AFG2B: variants seen among roughly 807,000 people sequenced by gnomAD.
AFG2B encodes the protein ATPase family gene 2 protein homolog B.
the AFG2B span, among the ~76,000 whole-genome samples, chr15:45,420,100 A>G: frequency 6.6e-6 from 1 of 151,700 alleles, no homozygotes; most frequent in African/African-American, 2.4e-5. Flanking sequence ...ATATGAATGG[A>G]AGCATGTGGC....
the AFG2B span, chr15:45,414,560 TG>T: frequency 1.9e-6 from 3 of 1,612,260 alleles, no homozygotes; most frequent in South Asian, 3.3e-5. Flanking sequence ...TCTCTTTTTG[TG>T]TACTTTCAGA....
chr15:45,404,442 C>T, the AFG2B span, among the ~76,000 whole-genome samples: 4 of 152,072 alleles, frequency 2.6e-5, no homozygotes, highest in South Asian at 2.1e-4. Context: ...CTAAAGTATA[C>T]GTAAAGTGCA....
At chr15:45,417,187 A>C in the AFG2B span, 6 of 1,529,190 alleles carry the variant, frequency 3.9e-6, no homozygotes, top group Middle Eastern at 2.0e-4. Flanking sequence ...ATTTGAATTT[A>C]AATAGACCTT....
chr15:45,402,606 C>T, the AFG2B span: 2 of 1,574,926 alleles, frequency 1.3e-6, no homozygotes, highest in Admixed American at 1.8e-5. Flanking sequence ...CCTGCCTCTG[C>T]ACTGCCTGGC....
At chr15:45,405,609 A>G in the AFG2B span, 1 of 1,063,756 alleles carries the variant, frequency 9.4e-7, no homozygotes, top group Non-Finnish European at 1.4e-6. Flanking sequence ...AGAACATTTG[A>G]TAGCTTCCAC....
chr15:45,413,717 A>G, the AFG2B span, among the ~76,000 whole-genome samples: 1 of 152,018 alleles, frequency 6.6e-6, no homozygotes, highest in Non-Finnish European at 1.5e-5. Flanking sequence ...TAAAGCTTTC[A>G]AGGCCTATTG....
At chr15:45,405,289 T>A in the AFG2B span, 1 of 1,597,470 alleles carries the variant, frequency 6.3e-7, no homozygotes, top group Admixed American at 1.7e-5. Flanking sequence ...ATATACTTCT[T>A]CTTCTTTTTT....
At chr15:45,415,558 G>T in the AFG2B span, 1 of 1,580,656 alleles carries the variant, frequency 6.3e-7, no homozygotes, top group South Asian at 1.1e-5. Context: ...ATAACATATA[G>T]CTTTTTAATA....
At chr15:45,402,360 G>T in the AFG2B span, 1 of 1,543,530 alleles carries the variant, frequency 6.5e-7, no homozygotes, top group South Asian at 1.2e-5. Flanking sequence ...CTGCGAGCTC[G>T]GTGTTCCGCT....
chr15:45,412,601 T>C, the AFG2B span, among the ~76,000 whole-genome samples: 17 of 152,202 alleles, frequency 1.1e-4, no homozygotes, highest in Admixed American at 2.6e-4. Context: ...ATTATATAAT[T>C]TTCACATGTC....
At chr15:45,409,596 C>T in the AFG2B span, among the ~76,000 whole-genome samples, 4 of 152,080 alleles carry the variant, frequency 2.6e-5, no homozygotes, top group South Asian at 4.1e-4. Context: ...CATGGTGGCT[C>T]ATGCCTGTAA....
chr15:45,417,379 A>G, the AFG2B span: 3 of 1,614,042 alleles, frequency 1.9e-6, no homozygotes, highest in Non-Finnish European at 1.7e-6. Context: ...GATCATCTAT[A>G]TCCCACCTCC....
the AFG2B span, among the ~76,000 whole-genome samples, chr15:45,404,701 T>A: frequency 6.6e-6 from 1 of 150,760 alleles, no homozygotes; most frequent in East Asian, 2.0e-4. Context: ...CTAGCTACTC[T>A]GGAGGCTGAG....
At chr15:45,409,587 A>G in the AFG2B span, among the ~76,000 whole-genome samples, 1 of 150,572 alleles carries the variant, frequency 6.6e-6, no homozygotes, top group South Asian at 2.1e-4. Context: ...GAGTTTGAAC[A>G]TGGTGGCTCA....
the AFG2B span, chr15:45,402,366 C>A: frequency 1.3e-6 from 2 of 1,550,716 alleles, no homozygotes; most frequent in South Asian, 1.2e-5. Context: ...GCTCGGTGTT[C>A]CGCTTTTTGT....
chr15:45,410,470 C>T, the AFG2B span: 1 of 1,613,368 alleles, frequency 6.2e-7, no homozygotes, highest in East Asian at 2.2e-5. Context: ...TAATGGATAT[C>T]AAGCCTGTTG....
chr15:45,402,397 T>G, the AFG2B span: 2 of 1,558,858 alleles, frequency 1.3e-6, no homozygotes, highest in Non-Finnish European at 1.7e-6. Context: ...GGTTTCCTAA[T>G]CTGGTTTCGT....
the AFG2B span, chr15:45,407,323 A>G: frequency 1.1e-6 from 1 of 912,348 alleles, no homozygotes; most frequent in Non-Finnish European, 1.4e-6. Flanking sequence ...ACTTTGTTAA[A>G]CTTTTTGTGA....
chr15:45,417,285 T>C, the AFG2B span: 1 of 1,613,948 alleles, frequency 6.2e-7, no homozygotes, highest in Non-Finnish European at 8.5e-7. Flanking sequence ...AAGAAGTTTT[T>C]AACCGAAGTG....
Sources: allele counts gnomAD v4.1 joint callset (sites outside exome capture counted in the v4.1 genomes callset), GRCh38; gene constraint gnomAD v4.1.1; transcripts MANE v1.5; gene names NCBI Gene and HGNC (gene_info 2026-07-23, HGNC 2026-07-21).